The following ALDH1L1 variants were observed in gnomAD, a reference collection of about 807,000 sequenced individuals.
ALDH1L1 encodes aldehyde dehydrogenase 1 family member L1, also known as cytosolic 10-formyltetrahydrofolate dehydrogenase.
Under a neutral mutation model 101.1 loss-of-function variants are expected in ALDH1L1, and 68 were observed. That is an observed-to-expected ratio of 0.67 (90% CI 0.55 to 0.82). ALDH1L1 has a LOEUF of 0.82. Ranked by LOEUF, ALDH1L1 falls within the 40% of genes least tolerant of loss-of-function variation. The pLI is 0.00. For missense variants in ALDH1L1, 1,087 were observed against 1,172.7 expected, an observed-to-expected ratio of 0.93 and a Z score of 1.07; for synonymous variants, 486 against 470.8, an observed-to-expected ratio of 1.03 and a Z score of -0.42.
At chr3:126,189,992 C>T (rs1262339285) in intron 1 of ALDH1L1, among the ~76,000 whole-genome samples, 1 of 152,152 alleles carries the variant, frequency 6.6e-6, no homozygotes, top group Admixed American at 6.5e-5. Context: ...ATTGTGTTTG[C>T]AATACCTTGT....
rs570819085 is a variant in ALDH1L1 at position 126,189,058 on chromosome 3, T to C, written c.-24+8677A>G. On this transcript the variant is annotated intron_variant, in intron 1 of 2. Coordinates refer to the ALDH1L1 transcript ENST00000509952. The stretch of plus-strand genomic sequence containing the variant: ...GATAAGCCATCTCGCATCCCATGAC[T>C]GGGCCAAATCAAAGCAGGAGTTTTG... Among the ~76,000 whole-genome samples, 3 of 152,302 alleles carry C rather than the reference T, an allele frequency of 2.0e-5. No homozygotes were observed. In the East Asian group the frequency reaches 5.8e-4, roughly 29 times the overall value.
chr3:126,140,681 T>C (rs745663478), intron 9 of ALDH1L1, among the ~76,000 whole-genome samples: 22 of 152,050 alleles, frequency 1.4e-4, no homozygotes, highest in South Asian at 4.1e-4. Context: ...AGAATGAGAG[T>C]GTTTGTATAC....
rs546602834 is a variant in ALDH1L1, at chr3:126,114,033, C to T, written c.2082+524G>A. Among the ~76,000 whole-genome samples, 46 of 152,184 alleles carry T rather than the reference C, an allele frequency of 3.0e-4. 1 individual carries two copies. The highest frequency in any genetic ancestry group is 2.9e-4 in the Non-Finnish European group (20 of 68,030). ...AGCCAGGCACTGCACCCACGGCCACCGGTAGAGGGTCACTGTCAGCAGGGC... is the reference window on the plus strand; with the variant it reads ...AGCCAGGCACTGCACCCACGGCCACTGGTAGAGGGTCACTGTCAGCAGGGC... On this transcript the variant is annotated intron_variant, in intron 18 of 22. Coordinates refer to ENST00000393434, the MANE Select transcript of ALDH1L1 (RefSeq NM_012190.4).
intron 21 of ALDH1L1, among the ~76,000 whole-genome samples, chr3:126,106,348 A>C (rs1945870255): frequency 6.6e-6 from 1 of 152,210 alleles, no homozygotes; most frequent in Non-Finnish European, 1.5e-5. Flanking sequence ...ACATACGATG[A>C]TAATTTCTGG....
At chr3:126,159,483 G>A in intron 2 of ALDH1L1, 1 of 456,720 alleles carries the variant, frequency 2.2e-6, no homozygotes, top group Non-Finnish European at 4.4e-6. Context: ...TCAGTTCTCT[G>A]TTAGAGCCTC....
chr3:126,160,202 T>C (rs930933250), intron 2 of ALDH1L1: 2 of 152,924 alleles, frequency 1.3e-5, no homozygotes, highest in Non-Finnish European at 2.9e-5. Flanking sequence ...AATTCTGACT[T>C]TTCCACCTCA....
intron 12 of ALDH1L1, among the ~76,000 whole-genome samples, chr3:126,132,633 A>G (rs1387346030): frequency 2.6e-5 from 4 of 151,934 alleles, no homozygotes; most frequent in African/African-American, 9.7e-5. Flanking sequence ...AGCCTTCTGT[A>G]CTTGTTTCAG....
chr3:126,195,226 T>A (rs966873193), intron 1 of ALDH1L1, among the ~76,000 whole-genome samples: 1 of 152,202 alleles, frequency 6.6e-6, no homozygotes, highest in African/African-American at 2.4e-5. Context: ...GACCTGTCTA[T>A]ATTAGACCAA....
chr3:126,160,830 C>T, intron 2 of ALDH1L1, 23 bp downstream of exon 2: 1 of 1,611,892 alleles, frequency 6.2e-7, no homozygotes, highest in East Asian at 2.2e-5. Context: ...CCATCAGCTT[C>T]CCTGCTCCAT....
chr3:126,142,320 A>G (rs1022792471), intron 9 of ALDH1L1, among the ~76,000 whole-genome samples: 1 of 152,246 alleles, frequency 6.6e-6, no homozygotes, highest in Non-Finnish European at 1.5e-5. Context: ...AACTGAGAAG[A>G]GAACACATCT....
intron 9 of ALDH1L1, 85 bp from the exon 10 acceptor site, chr3:126,138,045 A>G: frequency 6.5e-7 from 1 of 1,532,482 alleles, no homozygotes; most frequent in South Asian, 1.2e-5. Context: ...GGGGCCAAAC[A>G]CCCCAGAGAG....
At chr3:126,162,810 A>T (rs2081088040) in intron 1 of ALDH1L1, among the ~76,000 whole-genome samples, 1 of 152,128 alleles carries the variant, frequency 6.6e-6, no homozygotes, top group South Asian at 2.1e-4. Flanking sequence ...CAAGATCTTT[A>T]TTGTTTTGCC....
chr3:126,124,110 GACACACACACACAC>G lies in ALDH1L1; in HGVS notation c.1888+240_1888+253del, dbSNP rs3841921. Among the ~76,000 whole-genome samples, 1,030 of 148,894 alleles carry G rather than the reference GACACACACACACAC, an allele frequency of 6.9e-3. 8 individuals carry two copies. The highest frequency in any genetic ancestry group is 0.021 in the African/African-American group (875 of 41,078). ...TAACAAGTTTATTCCAGGGCGCGCG[GACACACACACACAC>G]ACACACACACACACACACACACACT... On this transcript the variant is annotated intron_variant, in intron 16 of 22. Transcript: ENST00000393434.
At chr3:126,159,019 T>C (rs2080981690) in intron 2 of ALDH1L1, among the ~76,000 whole-genome samples, 1 of 152,130 alleles carries the variant, frequency 6.6e-6, no homozygotes, top group African/African-American at 2.4e-5. Flanking sequence ...GCATTTCTGC[T>C]TTGTCAGCTG....
At chr3:126,141,329 A>G (rs1017008385) in intron 9 of ALDH1L1, among the ~76,000 whole-genome samples, 22 of 152,140 alleles carry the variant, frequency 1.4e-4, no homozygotes, top group Non-Finnish European at 3.1e-4. Flanking sequence ...ATAGAACTCA[A>G]GAGAATAAGA....
intron 16 of ALDH1L1, among the ~76,000 whole-genome samples, chr3:126,121,114 T>C (rs1180002148): frequency 6.6e-6 from 1 of 152,184 alleles, no homozygotes; most frequent in Non-Finnish European, 1.5e-5. Flanking sequence ...CACCACATCT[T>C]CAGGGAAATG....
intron 1 of ALDH1L1, among the ~76,000 whole-genome samples, chr3:126,176,716 T>C (rs563787017): frequency 6.6e-5 from 10 of 152,186 alleles, no homozygotes; most frequent in Non-Finnish European, 1.2e-4. Context: ...AAAAAAATGG[T>C]ACATTAGACC....
rs145169282 is a variant in ALDH1L1 at position 126,130,246 on chromosome 3, G to A, written c.1671C>T (p.Thr557=). Reference sequence around the variant, plus strand: ...ACCCAACAGGCTCCTTCCTGGTCAAGGTCAGGTTGCGGTTGGGTCTGGCCT... The same window carrying A: ...ACCCAACAGGCTCCTTCCTGGTCAAAGTCAGGTTGCGGTTGGGTCTGGCCT... ...INQARPNRNL[T]LTRKEPVGVC... Residue 557 remains threonine, a synonymous_variant, in exon 14 of 23, where the codon ACC becomes ACT. Transcript: ENST00000393434. 3 of 1,610,466 alleles carry A rather than the reference G, an allele frequency of 1.9e-6. No homozygotes were observed. The highest frequency in any genetic ancestry group is 2.5e-6 in the Non-Finnish European group (3 of 1,178,276).
chr3:126,117,666 C>A (rs1478408383), intron 17 of ALDH1L1, among the ~76,000 whole-genome samples: 1 of 118,518 alleles, frequency 8.4e-6, no homozygotes, highest in Non-Finnish European at 1.7e-5. Context: ...AAAAAAACAA[C>A]AACAAAACAA....
Sources: allele counts gnomAD v4.1 joint callset (sites outside exome capture counted in the v4.1 genomes callset), GRCh38; gene constraint gnomAD v4.1.1; transcripts MANE v1.5; gene names NCBI Gene and HGNC (gene_info 2026-07-23, HGNC 2026-07-21).